Variants in LSR observed in about 807,000 individuals in gnomAD.
LSR encodes the protein lipolysis-stimulated lipoprotein receptor.
A neutral mutation model predicts 61.8 loss-of-function variants in LSR; 44 were observed. That is an observed-to-expected ratio of 0.71 (90% confidence interval 0.56 to 0.91). The LOEUF is 0.91. Among genes scored for constraint, LSR ranks in the 40% least tolerant of loss-of-function variants. The pLI is 0.00. For synonymous variants in LSR, 397 were observed against 350.6 expected (o/e 1.13, Z -1.48); for missense variants, 911 against 830.5 (o/e 1.10, Z -1.19).
At chr19:35,259,089 G>T (rs768098728) in intron 3 of LSR, 25 bp downstream of exon 3, 3 of 1,606,036 alleles carry the variant, frequency 1.9e-6, no homozygotes, top group African/African-American at 1.3e-5. Context: ...GAAGGGGGAG[G>T]CATGGCCCTT....
intron 2 of LSR, chr19:35,253,415 A>G (rs180903940): frequency 1.3e-5 from 2 of 152,942 alleles, no homozygotes; most frequent in Admixed American, 6.5e-5. Context: ...CCTGGGCCTT[A>G]CAGAACCTAG....
chr19:35,258,997 C>G lies in LSR; in HGVS notation c.507C>G (p.Tyr169Ter). ...CGTGGGGGGACAGTGGTGTGTATTA[C>G]TGCTCCGTGGTCTCAGCCCAGGACC... ...QTAWGDSGVY[Y>*]CSVVSAQDLQ... Residue 169 changes from tyrosine to a stop codon, truncating the protein, a stop_gained, in exon 3 of 10, where the codon TAC becomes TAG. Coordinates refer to ENST00000605618, the MANE Select transcript of LSR (RefSeq NM_205834.4). LOFTEE classifies it high-confidence loss of function. 6.2e-7 allele frequency: 1 copy of G among 1,614,130 alleles called. No individual in the cohort carries two copies. The highest frequency in any genetic ancestry group is 1.1e-5 in the South Asian group (1 of 91,074).
At position 35,267,642 on chromosome 19, in the gene LSR, AAGG is replaced by A. The variant is rs759234961; in HGVS notation, c.1689_1691del (p.Glu565del). On this transcript the variant is annotated inframe_deletion, in exon 9 of 10. Transcript: ENST00000605618. ...GTCGGAGGAGAGGAGGAGACCCCAC[AAGG>A]AGGAGGAGGAAGAGGCCTACTACCC... The A allele has an allele frequency of 5.6e-6, 9 of 1,610,800 alleles. No homozygotes were observed. In the African/African-American group the frequency reaches 6.7e-5, roughly 12 times the overall value.
Position 35,266,634 on chromosome 19 carries a change from G to C in LSR, c.953-45G>C, listed in dbSNP as rs199765404. The C allele has an allele frequency of 3.6e-5, 57 of 1,598,442 alleles. No homozygotes were observed. In the East Asian group the frequency reaches 1.3e-3, roughly 35 times the overall value. On this transcript the variant is annotated intron_variant, in intron 6 of 9. Coordinates refer to ENST00000605618, the MANE Select transcript of LSR (RefSeq NM_205834.4). Reference sequence around the variant, plus strand: ...AAGAGTGTCTTGGGAGCCGAGGAGGGGCTCTGCTCCTGGTGCGCGGCCACT... The same window carrying C: ...AAGAGTGTCTTGGGAGCCGAGGAGGCGCTCTGCTCCTGGTGCGCGGCCACT...
intron 2 of LSR, 92 bp from the exon 3 acceptor site, chr19:35,258,853 C>T (rs1190596710): frequency 8.5e-6 from 13 of 1,537,304 alleles, no homozygotes; most frequent in Non-Finnish European, 1.2e-5. Flanking sequence ...TGCTTGCCCC[C>T]TCCTGGGTGT....
chr19:35,265,931 G>A lies in LSR; in HGVS notation c.779-428G>A, dbSNP rs190717173. ...GGACAGTGGTGGACCCAGCATCTGG[G>A]CTTTATATAAAGGGCAGCTTTGTTG... On this transcript the variant is annotated intron_variant, in intron 5 of 9. Transcript: ENST00000605618. Among the ~76,000 whole-genome samples the A allele has an allele frequency of 1.5e-3, 221 of 152,326 alleles. 1 individual carries two copies. Among genetic ancestry groups the A allele is most frequent in the African/African-American group, 5.2e-3 (215 of 41,566 alleles).
chr19:35,249,129 C>A lies in LSR; in HGVS notation c.107C>A (p.Thr36Lys). ...TGGCTTCTGCTTAGCACCTGGTGCA[C>A]AGGTACGGGGCACGGGGCCTCTGAC... ...FVWLLLSTWCTAPARAIQVTV... is the reference protein window; with the variant it reads ...FVWLLLSTWCKAPARAIQVTV... Residue 36 changes from threonine (T) to lysine (K), a missense_variant and splice_region_variant, in exon 1 of 10, where the codon ACA becomes AAA. Coordinates refer to ENST00000605618, the MANE Select transcript of LSR (RefSeq NM_205834.4). 6.5e-7 allele frequency: 1 copy of A among 1,539,922 alleles called. No individual in the cohort carries two copies. The highest frequency in any genetic ancestry group is 8.7e-7 in the Non-Finnish European group (1 of 1,145,466).
At chr19:35,259,232 C>A in intron 3 of LSR, 168 bp downstream of exon 3, 1 of 802,030 alleles carries the variant, frequency 1.2e-6, no homozygotes, top group Non-Finnish European at 1.9e-6. Flanking sequence ...CTGTGCCCTG[C>A]ACCCCAGGCA....
rs1342438600 is a variant in LSR at position 35,267,333 on chromosome 19, A to C, written c.1369A>C (p.Thr457Pro). The change falls in exon 9 of 10, where the codon ACC becomes CCC. Residue 457 changes from threonine (T) to proline (P), a missense_variant. Coordinates refer to ENST00000605618, the MANE Select transcript of LSR (RefSeq NM_205834.4). ...DALDDLTPPS[T>P]AESGSRSPTS... ...CCTGGACGACCTCACCCCGCCGAGC[A>C]CCGCCGAGTCAGGGAGCAGGTCTCC... 84 of 1,568,416 alleles carry C rather than the reference A, an allele frequency of 5.4e-5. No individual in the cohort carries two copies. The highest frequency in any genetic ancestry group is 6.7e-5 in the Non-Finnish European group (78 of 1,157,480).
intron 5 of LSR, among the ~76,000 whole-genome samples, chr19:35,263,496 T>C (rs565668293): frequency 6.6e-5 from 10 of 152,126 alleles, no homozygotes; most frequent in African/African-American, 2.2e-4. Flanking sequence ...GCTGGGACTG[T>C]AGGCACACAC....
chr19:35,252,579 G>T (rs1360153445), intron 2 of LSR, among the ~76,000 whole-genome samples: 1 of 148,862 alleles, frequency 6.7e-6, no homozygotes, highest in Non-Finnish European at 1.5e-5. Context: ...AACCCAGGAG[G>T]CAGAGGTTGC....
At chr19:35,255,783 A>G (rs995942070) in intron 2 of LSR, among the ~76,000 whole-genome samples, 1 of 152,118 alleles carries the variant, frequency 6.6e-6, no homozygotes, top group Admixed American at 6.5e-5. Context: ...CGTTTTCTCC[A>G]TACAGCTTAT....
chr19:35,255,659 C>T (rs1372054357), intron 2 of LSR, among the ~76,000 whole-genome samples: 1 of 152,186 alleles, frequency 6.6e-6, no homozygotes, highest in East Asian at 1.9e-4. Flanking sequence ...GTCGTGTCCT[C>T]AACCCCTTCA....
At chr19:35,254,406 T>TCAAAAG (rs1490106058) in intron 2 of LSR, among the ~76,000 whole-genome samples, 2 of 152,182 alleles carry the variant, frequency 1.3e-5, no homozygotes, top group Admixed American at 6.5e-5. Flanking sequence ...TATCCTGGTT[T>TCAAAAG]CAAAAGTGAA....
rs903481858 is a variant in LSR, at chr19:35,267,960, C to T, written c.*101C>T. 1 of 1,416,970 alleles carries T rather than the reference C, an allele frequency of 7.1e-7. No individual in the cohort carries two copies. Among genetic ancestry groups the T allele is most frequent in the Admixed American group, 1.8e-5 (1 of 57,132 alleles). 87.8% of individuals were successfully genotyped at this position (1,416,970 alleles called of 1,614,324 possible). ...TCCCGAGTCTAATAAAACGTATAAT[C>T]ACAAGCTCTGGAGAGAACCATTTGT... On this transcript the variant is annotated 3_prime_UTR_variant, in exon 10 of 10. Transcript: ENST00000605618.
At position 35,266,500 on chromosome 19, in the gene LSR, G is replaced by A. The variant is rs769828448; in HGVS notation, c.920G>A (p.Gly307Glu). ...CCTGCCTACAACGGGTACCCTGGAG[G>A]ATACCCTGGAGACGTTGACAGGAGT... ...MGPAYNGYPG[G>E]YPGDVDRSSS... is the part of the protein sequence containing the mutation. The change falls in exon 6 of 10, where the codon GGA becomes GAA. Residue 307 changes from glycine to glutamate, a missense_variant. By Grantham distance (98) the Gly-to-Glu change is moderately conservative. Transcript: ENST00000605618. 3.1e-6 allele frequency: 5 copies of A among 1,610,516 alleles called. No individual in the cohort carries two copies. The highest frequency in any genetic ancestry group is 2.2e-5 in the East Asian group (1 of 44,844).
At chr19:35,249,606 C>T (rs1021987919) in intron 1 of LSR, among the ~76,000 whole-genome samples, 5 of 152,020 alleles carry the variant, frequency 3.3e-5, no homozygotes, top group Admixed American at 6.5e-5. Context: ...CCCCATCCCC[C>T]GCACCCCACC....
rs558989058 is a variant in LSR, at chr19:35,266,903, G to A, written c.1080G>A (p.Met360Ile). Residue 360 changes from methionine (M) to isoleucine (I), a missense_variant, in exon 8 of 10, where the codon ATG becomes ATA. Transcript: ENST00000605618. ...ACTCCATGCGGGTCCTGTACTACAT[G>A]GAGAAGGAGCTGGCCAACTTCGACC... ...QDDSMRVLYY[M>I]EKELANFDPS... 7 of 1,613,778 alleles carry A rather than the reference G, an allele frequency of 4.3e-6. No homozygotes were observed. Among genetic ancestry groups the A allele is most frequent in the Non-Finnish European group, 5.9e-6 (7 of 1,179,846 alleles).
At chr19:35,264,896 T>C (rs935390863) in intron 5 of LSR, 1 of 152,114 alleles carries the variant, frequency 6.6e-6, no homozygotes, top group African/African-American at 2.4e-5. Flanking sequence ...TCAGCCTCAG[T>C]AGTGACTGAG....
Sources: gnomAD v4.1 joint callset for allele counts (sites outside exome capture counted in the v4.1 genomes callset) on GRCh38, gnomAD v4.1.1 for gene constraint, MANE v1.5 for transcripts, NCBI Gene and HGNC (gene_info 2026-07-23, HGNC 2026-07-21) for gene names.